The following RARB variants were observed in gnomAD, a reference collection of about 807,000 sequenced individuals.
RARB encodes the protein retinoic acid receptor beta, also known as HBV-activated protein.
Under a neutral mutation model 51.9 loss-of-function variants are expected in RARB, and 17 were observed. The observed-to-expected ratio is 0.33, with a 90% confidence interval of 0.22 to 0.49. The LOEUF (loss-of-function observed/expected upper bound fraction) is 0.49, where lower values mean the gene tolerates loss of function less well. RARB is among the 20% of genes least tolerant of loss of function. RARB has a pLI of 0.99. For missense variants in RARB, 369 were observed against 550.8 expected (o/e 0.67, Z 3.30); for synonymous variants, 215 against 195.4 (o/e 1.10, Z -0.84).
chr3:24,840,200 T>C (rs1186382081), intron 1 of RARB, among the ~76,000 whole-genome samples: 7 of 152,234 alleles, frequency 4.6e-5, no homozygotes, highest in Non-Finnish European at 8.8e-5. Flanking sequence ...TGTAACAAGA[T>C]TCTAGATCTG....
chr3:25,057,209 C>T (rs978642434), intron 2 of RARB, among the ~76,000 whole-genome samples: 10 of 152,000 alleles, frequency 6.6e-5, no homozygotes, highest in Non-Finnish European at 1.2e-4. Flanking sequence ...CACAAACCAG[C>T]CCGTGTTGGC....
intron 2 of RARB, among the ~76,000 whole-genome samples, chr3:24,871,091 T>G (rs1442481084): frequency 6.6e-6 from 1 of 152,144 alleles, no homozygotes; most frequent in African/African-American, 2.4e-5. Context: ...AGTTCAGGTT[T>G]AATTATTAGT....
intron 5 of RARB, chr3:25,258,957 C>T (rs934929775): frequency 1.2e-6 from 1 of 862,248 alleles, no homozygotes; most frequent in South Asian, 5.3e-5. Flanking sequence ...CACCACCACA[C>T]TGGGGACCAA....
chr3:25,310,487 C>T (rs1014681988), intron 5 of RARB, among the ~76,000 whole-genome samples: 3 of 152,148 alleles, frequency 2.0e-5, no homozygotes, highest in Non-Finnish European at 4.4e-5. Context: ...GGGGTTTGGA[C>T]ATTTCATGTA....
At chr3:25,577,512 C>T (rs1051179756) in intron 4 of RARB, among the ~76,000 whole-genome samples, 1 of 152,160 alleles carries the variant, frequency 6.6e-6, no homozygotes, top group African/African-American at 2.4e-5. Flanking sequence ...GAAGGAGGCA[C>T]TTCCATGGAT....
chr3:25,269,961 C>A (rs979454240), intron 5 of RARB, among the ~76,000 whole-genome samples: 3 of 152,050 alleles, frequency 2.0e-5, no homozygotes, highest in Non-Finnish European at 2.9e-5. Context: ...AGTGAGATAC[C>A]ACCGCGTACC....
rs553244299 is a variant in RARB at position 25,575,207 on chromosome 3, G to A, written c.609+5289G>A. Among the ~76,000 whole-genome samples the A allele has an allele frequency of 4.7e-4, 72 of 152,254 alleles. 1 individual carries two copies. Among genetic ancestry groups the A allele is most frequent in the Admixed American group, 3.7e-3 (57 of 15,288 alleles). On this transcript the variant is annotated intron_variant, in intron 4 of 7. Coordinates refer to ENST00000330688, the MANE Select transcript of RARB (RefSeq NM_000965.5). ...CATGTTCCTATGAGAATGTAATGCC[G>A]CCGCTGATCTGAAGGAGGTGGAGTT...
intron 2 of RARB, among the ~76,000 whole-genome samples, chr3:24,886,708 T>G (rs1001705060): frequency 1.3e-5 from 2 of 152,052 alleles, no homozygotes; most frequent in African/African-American, 4.8e-5. Flanking sequence ...AGTGCTGGGA[T>G]TACAAGCATG....
intron 2 of RARB, among the ~76,000 whole-genome samples, chr3:24,951,155 G>C (rs1172354038): frequency 6.6e-6 from 1 of 152,148 alleles, no homozygotes; most frequent in Non-Finnish European, 1.5e-5. Flanking sequence ...AGGGCTTTAT[G>C]TGCACACTCT....
rs1405967680 is a variant in RARB at position 24,892,649 on chromosome 3, T to TA, written c.-380+33898dup. On this transcript the variant is annotated intron_variant, in intron 2 of 11. Transcript: ENST00000383772. ...TCCTGGAATGCAAGAACTCTGGAATTATGATTCTAGCAGATTTATGAAGGA... is the reference window on the plus strand; with the variant it reads ...TCCTGGAATGCAAGAACTCTGGAATTAATGATTCTAGCAGATTTATGAAGGA... Among the ~76,000 whole-genome samples the TA allele has an allele frequency of 2.6e-5, 4 of 152,300 alleles. No homozygotes were observed. In the East Asian group the frequency reaches 7.7e-4, roughly 29 times the overall value.
rs549849486 is a variant in RARB, at chr3:24,983,861, A to T, written c.-379-76264A>T. On this transcript the variant is annotated intron_variant, in intron 2 of 11. Coordinates refer to the RARB transcript ENST00000383772. ...CTAAGTATTAATATAAGATACTAAA[A>T]ACATGAAAGATAATTCAAAACAGGA... is the stretch of plus-strand genomic sequence containing the variant. Among the ~76,000 whole-genome samples the T allele has an allele frequency of 8.5e-5, 13 of 152,314 alleles. No individual in the cohort carries two copies. In the East Asian group the frequency reaches 2.3e-3, roughly 27 times the overall value.
intron 3 of RARB, among the ~76,000 whole-genome samples, chr3:25,559,230 T>G (rs148702718): frequency 6.6e-6 from 1 of 152,316 alleles, no homozygotes; most frequent in African/African-American, 2.4e-5. Flanking sequence ...TTAAGAAATA[T>G]ATGTTGAACA....
chr3:25,334,532 G>A (rs1301647172), intron 5 of RARB, among the ~76,000 whole-genome samples: 1 of 152,070 alleles, frequency 6.6e-6, no homozygotes, highest in Non-Finnish European at 1.5e-5. Flanking sequence ...CCTGTTGTGG[G>A]GTGGAGGGAG....
chr3:25,318,081 G>A (rs1046046038), intron 5 of RARB, among the ~76,000 whole-genome samples: 13 of 152,118 alleles, frequency 8.5e-5, no homozygotes, highest in Non-Finnish European at 1.3e-4. Flanking sequence ...AAATTTGTCC[G>A]TCTCACTGAT....
chr3:25,510,189 G>T (rs1037921526), intron 3 of RARB, among the ~76,000 whole-genome samples: 4 of 152,148 alleles, frequency 2.6e-5, no homozygotes, highest in Non-Finnish European at 4.4e-5. Context: ...CACACAGCTG[G>T]TATACACCCA....
intron 2 of RARB, among the ~76,000 whole-genome samples, chr3:25,013,086 C>A (rs1207701019): frequency 6.6e-6 from 1 of 152,092 alleles, no homozygotes; most frequent in Non-Finnish European, 1.5e-5. Flanking sequence ...GTATTGCCAA[C>A]CTGATTGGTT....
At chr3:24,930,898 A>C (rs1295774068) in intron 2 of RARB, among the ~76,000 whole-genome samples, 1 of 152,064 alleles carries the variant, frequency 6.6e-6, no homozygotes, top group Non-Finnish European at 1.5e-5. Context: ...TTGCAGTTCT[A>C]GTTACCTGCG....
chr3:25,208,077 G>C (rs537339918), intron 5 of RARB, among the ~76,000 whole-genome samples: 2 of 152,190 alleles, frequency 1.3e-5, no homozygotes, highest in East Asian at 3.9e-4. Flanking sequence ...GATCTCATGA[G>C]TACTCACTCA....
chr3:24,921,473 G>A (rs949671452), intron 2 of RARB, among the ~76,000 whole-genome samples: 2 of 152,182 alleles, frequency 1.3e-5, no homozygotes, highest in African/African-American at 2.4e-5. Flanking sequence ...AAGCATTCCT[G>A]TGATAAGTGT....
Sources: gnomAD v4.1 joint callset for allele counts (sites outside exome capture counted in the v4.1 genomes callset) on GRCh38, gnomAD v4.1.1 for gene constraint, MANE v1.5 for transcripts, NCBI Gene and HGNC (gene_info 2026-07-23, HGNC 2026-07-21) for gene names.